The following AIM2 variants were observed in gnomAD, a reference collection of about 807,000 sequenced individuals.
The protein encoded by AIM2 is absent in melanoma 2.
AIM2 carries 30 observed loss-of-function variants against 27.7 expected under a neutral mutation model. The observed-to-expected ratio is 1.08, with a 90% CI of 0.81 to 1.47. AIM2 has a LOEUF of 1.47. Ranked by LOEUF, AIM2 falls within the 40% of genes most tolerant of loss-of-function variation. AIM2 has a pLI of 0.00. For synonymous variants in AIM2, 141 were observed against 145.3 expected, an observed-to-expected ratio of 0.97 and a Z score of 0.21; for missense variants, 358 against 411.3, an observed-to-expected ratio of 0.87 and a Z score of 1.12.
intron 5 of AIM2, among the ~76,000 whole-genome samples, 177 bp downstream of exon 5, chr1:159,063,309 G>T (rs933251144): frequency 6.6e-6 from 1 of 152,150 alleles, no homozygotes; most frequent in African/African-American, 2.4e-5. Flanking sequence ...TCTTAACTGT[G>T]TATCTAGAAT....
intron 1 of AIM2, among the ~76,000 whole-genome samples, chr1:159,124,840 G>T (rs1229133282): frequency 6.6e-6 from 1 of 152,214 alleles, no homozygotes; most frequent in Non-Finnish European, 1.5e-5. Flanking sequence ...CAGCAAGAAG[G>T]TTGTGCAGGA....
chr1:159,055,323 C>G, the AIM2 span, among the ~76,000 whole-genome samples: 1 of 152,168 alleles, frequency 6.6e-6, no homozygotes, highest in Non-Finnish European at 1.5e-5. Flanking sequence ...AGGCTGTGTT[C>G]TGCTGAAAGA....
upstream of AIM2, chr1:159,076,836 AACT>A (rs1656628242): frequency 6.6e-6 from 1 of 152,268 alleles, no homozygotes; most frequent in Admixed American, 6.5e-5. Context: ...TAGGAGTGAC[AACT>A]GGAGCTCTAA....
chr1:159,116,332 G>C (rs1426661662), intron 1 of AIM2, among the ~76,000 whole-genome samples: 1 of 152,010 alleles, frequency 6.6e-6, no homozygotes. Flanking sequence ...CCCATTACTG[G>C]GTATATGCCC....
At chr1:159,103,255 G>C (rs147666986) in intron 1 of AIM2, among the ~76,000 whole-genome samples, 9 of 152,220 alleles carry the variant, frequency 5.9e-5, no homozygotes, top group Admixed American at 3.9e-4. Context: ...AGTTTTCTGC[G>C]GCTTCCCTAG....
At chr1:159,110,122 A>G (rs1300277280) in intron 1 of AIM2, among the ~76,000 whole-genome samples, 1 of 152,240 alleles carries the variant, frequency 6.6e-6, no homozygotes, top group Non-Finnish European at 1.5e-5. Context: ...TGTTTATAGC[A>G]GCACAATTTG....
At chr1:159,122,107 T>A (rs567722791) in intron 1 of AIM2, 1 of 152,300 alleles carries the variant, frequency 6.6e-6, no homozygotes, top group South Asian at 2.1e-4. Context: ...AGATCTCAAT[T>A]TGCAGAACAC....
chr1:159,088,434 C>G (rs1339203077), intron 1 of AIM2, among the ~76,000 whole-genome samples: 1 of 152,068 alleles, frequency 6.6e-6, no homozygotes, highest in Non-Finnish European at 1.5e-5. Flanking sequence ...CTGGTTTTCC[C>G]CAATTCAATA....
At chr1:159,056,550 C>T in the AIM2 span, among the ~76,000 whole-genome samples, 1,629 of 151,732 alleles carry the variant, frequency 0.011, 12 homozygotes, top group Non-Finnish European at 0.016. Flanking sequence ...GGCCATTGTC[C>T]GCCTCTCCAG....
At chr1:159,130,643 TTC>T (rs1299547497) in intron 1 of AIM2, among the ~76,000 whole-genome samples, 1 of 151,974 alleles carries the variant, frequency 6.6e-6, no homozygotes. Flanking sequence ...TTTTATCCTC[TTC>T]TCTCTCTTTC....
intron 1 of AIM2, among the ~76,000 whole-genome samples, chr1:159,113,135 G>A (rs573796803): frequency 1.3e-5 from 2 of 152,026 alleles, no homozygotes; most frequent in African/African-American, 2.4e-5. Context: ...TAGTAAAGAC[G>A]GGGTTTCACC....
At chr1:159,078,681 G>A (rs1656697575), upstream of AIM2, among the ~76,000 whole-genome samples, 1 of 152,178 alleles carries the variant, frequency 6.6e-6, no homozygotes, top group African/African-American at 2.4e-5. Flanking sequence ...TTTAATCAGA[G>A]AGATACCCAA....
At position 159,139,114 on chromosome 1, in the gene AIM2, G is replaced by C. The variant is rs1194349218; in HGVS notation, c.-16+1317C>G. Among the ~76,000 whole-genome samples the C allele has an allele frequency of 4.6e-5, 7 of 152,354 alleles. No homozygotes were observed. In the East Asian group the frequency reaches 1.3e-3, roughly 29 times the overall value. The stretch of plus-strand genomic sequence containing the variant: ...AAAACACCACCCCTCAGGATGAAGA[G>C]AGTTGAAGGCTAGGCAATAGTTAAA... On this transcript the variant is annotated intron_variant, in intron 1 of 2. Transcript: ENST00000368129.
Position 159,062,728 on chromosome 1 carries a change from GA to G in AIM2, c.1006-11del, listed in dbSNP as rs762911733. The G allele has an allele frequency of 1.2e-6, 2 of 1,607,518 alleles. No homozygotes were observed. The highest frequency in any genetic ancestry group is 1.7e-6 in the Non-Finnish European group (2 of 1,176,466). The stretch of plus-strand genomic sequence containing the variant: ...TTTTGGCCTTAATAACCTGGATGGA[GA>G]AAAAAAACATGCAGTCTGAGATGCA... On this transcript the variant is annotated splice_polypyrimidine_tract_variant and intron_variant, in intron 5 of 5. Coordinates refer to ENST00000368130, the MANE Select transcript of AIM2 (RefSeq NM_004833.3).
intron 1 of AIM2, among the ~76,000 whole-genome samples, chr1:159,138,559 A>G (rs907231364): frequency 2.0e-5 from 3 of 152,236 alleles, no homozygotes; most frequent in Non-Finnish European, 4.4e-5. Flanking sequence ...GGGAATATGT[A>G]TTCCATGAAG....
At chr1:159,091,296 C>T (rs748054198) in intron 1 of AIM2, among the ~76,000 whole-genome samples, 3 of 152,140 alleles carry the variant, frequency 2.0e-5, no homozygotes, top group Non-Finnish European at 4.4e-5. Context: ...GTGTCCAATC[C>T]TATTAATACC....
At chr1:159,108,115 G>C (rs1657490847) in intron 1 of AIM2, among the ~76,000 whole-genome samples, 2 of 152,048 alleles carry the variant, frequency 1.3e-5, no homozygotes, top group Admixed American at 1.3e-4. Context: ...GAAAACTACA[G>C]ACCCAATATC....
Position 159,062,696 on chromosome 1 carries a change from G to T in AIM2, c.1028C>A (p.Thr343Lys), listed in dbSNP as rs762248061. The T allele has an allele frequency of 3.6e-6, 5 of 1,407,324 alleles. No homozygotes were observed. The highest frequency in any genetic ancestry group is 3.8e-5 in the Admixed American group (2 of 52,250). The allele number at this position is 1,407,324 out of a possible 1,614,324, so 87.2% of individuals were successfully genotyped here. ...GAATTGGTCCTTTTTACTTCTCTAT[G>T]TTTTTTTTTTGGCCTTAATAACCTG... is the stretch of plus-strand genomic sequence containing the variant. ...TIKVIKAKKK[T>K] The change falls in exon 6 of 6, where the codon ACA becomes AAA. Residue 343 changes from threonine to lysine, a missense_variant. Coordinates refer to ENST00000368130, the MANE Select transcript of AIM2 (RefSeq NM_004833.3).
At chr1:159,095,809 C>T (rs2102013414) in intron 1 of AIM2, among the ~76,000 whole-genome samples, 1 of 152,168 alleles carries the variant, frequency 6.6e-6, no homozygotes, top group South Asian at 2.1e-4. Flanking sequence ...AAGGTAAGAC[C>T]ACTGAAAAGG....
Sources: allele counts gnomAD v4.1 joint callset (sites outside exome capture counted in the v4.1 genomes callset), GRCh38; gene constraint gnomAD v4.1.1; transcripts MANE v1.5; gene names NCBI Gene and HGNC (gene_info 2026-07-23, HGNC 2026-07-21).